GRIK3: variants seen among roughly 807,000 people sequenced by gnomAD.
GRIK3 encodes the protein glutamate ionotropic receptor kainate type subunit 3.
GRIK3 carries 29 observed loss-of-function variants against 102.5 expected under a neutral mutation model. The observed-to-expected ratio is 0.28, with a 90% CI of 0.21 to 0.39. The LOEUF is 0.39. Ranked by LOEUF, GRIK3 falls within the 10% of genes least tolerant of loss-of-function variation. The pLI, the probability that GRIK3 is intolerant of heterozygous loss-of-function variation, is 1.00. For synonymous variants in GRIK3, 511 were observed against 504.9 expected, an observed-to-expected ratio of 1.01 and a Z score of -0.16; for missense variants, 908 against 1,252.4, an observed-to-expected ratio of 0.73 and a Z score of 4.15.
intron 1 of GRIK3, among the ~76,000 whole-genome samples, chr1:37,033,503 C>G (rs1328259510): frequency 6.6e-6 from 1 of 152,166 alleles, no homozygotes; most frequent in East Asian, 1.9e-4. Flanking sequence ...CGGCTGCCCT[C>G]GTCATGCGAA....
At chr1:36,976,275 TTA>T (rs1230854567) in intron 1 of GRIK3, among the ~76,000 whole-genome samples, 4 of 152,174 alleles carry the variant, frequency 2.6e-5, no homozygotes, top group Non-Finnish European at 5.9e-5. Context: ...TGCCAGAGTT[TTA>T]AATCTCAGCT....
At chr1:36,950,929 G>T (rs554132843) in intron 1 of GRIK3, among the ~76,000 whole-genome samples, 2 of 152,326 alleles carry the variant, frequency 1.3e-5, no homozygotes, top group East Asian at 1.9e-4. Context: ...GGGCAGGAGG[G>T]TTTGGGGTGG....
chr1:36,805,189 T>C lies in GRIK3; in HGVS notation c.2363A>G (p.Glu788Gly). Reference sequence around the variant, plus strand: ...CTTCATGATATGCAGCTTGTCCTCCTCCTGAAGCTGCAGGATGGCGATGGT... The same window carrying C: ...CTTCATGATATGCAGCTTGTCCTCCCCCTGAAGCTGCAGGATGGCGATGGT... The part of the protein sequence containing the change: ...KITIAILQLQ[E>G]EDKLHIMKEK... Residue 788 changes from glutamate (E) to glycine (G), a missense_variant, in exon 15 of 16, where the codon GAG (glutamate) becomes GGG (glycine). By Grantham distance (98) the Glu-to-Gly change is moderately conservative. Transcript: ENST00000373091. 1 of 1,614,038 alleles carries C rather than the reference T, an allele frequency of 6.2e-7. No homozygotes were observed. Among genetic ancestry groups the C allele is most frequent in the Non-Finnish European group, 8.5e-7 (1 of 1,179,952 alleles).
intron 10 of GRIK3, among the ~76,000 whole-genome samples, chr1:36,833,722 C>T (rs917997922): frequency 6.6e-6 from 1 of 152,242 alleles, no homozygotes; most frequent in Admixed American, 6.5e-5. Context: ...ATCTTCCCGT[C>T]ACACCTGCCA....
At chr1:37,016,017 A>C (rs937080192) in intron 1 of GRIK3, among the ~76,000 whole-genome samples, 1 of 152,250 alleles carries the variant, frequency 6.6e-6, no homozygotes, top group African/African-American at 2.4e-5. Context: ...ACTCTGGGTA[A>C]TGCCACCCAA....
intron 2 of GRIK3, among the ~76,000 whole-genome samples, chr1:36,885,195 T>A (rs974012919): frequency 6.6e-6 from 1 of 152,188 alleles, no homozygotes; most frequent in African/African-American, 2.4e-5. Context: ...CTGACAATGA[T>A]AAATGTGTTG....
At chr1:36,952,253 C>T (rs59234460) in intron 1 of GRIK3, among the ~76,000 whole-genome samples, 2,516 of 152,322 alleles carry the variant, frequency 0.017, 50 homozygotes, top group South Asian at 0.059. Context: ...TCAGGGCCCA[C>T]GATGTCCGTT....
chr1:36,899,637 T>G (rs1172466029), intron 1 of GRIK3, among the ~76,000 whole-genome samples: 1 of 152,160 alleles, frequency 6.6e-6, no homozygotes, highest in African/African-American at 2.4e-5. Flanking sequence ...ATGAATGTAT[T>G]TAGTACCACT....
At chr1:36,847,880 T>C (rs950070941) in intron 9 of GRIK3, among the ~76,000 whole-genome samples, 1 of 152,196 alleles carries the variant, frequency 6.6e-6, no homozygotes, top group African/African-American at 2.4e-5. Flanking sequence ...TCTGCCCAGA[T>C]GCCTTGCAGC....
intron 1 of GRIK3, among the ~76,000 whole-genome samples, chr1:36,999,828 T>C (rs187441685): frequency 2.6e-5 from 4 of 152,246 alleles, no homozygotes; most frequent in Non-Finnish European, 5.9e-5. Context: ...TTTGTCCCCT[T>C]AGAACTTACC....
chr1:36,807,084 G>T (rs1008551579), intron 13 of GRIK3, among the ~76,000 whole-genome samples: 3 of 152,132 alleles, frequency 2.0e-5, no homozygotes, highest in Non-Finnish European at 2.9e-5. Flanking sequence ...GGCAGTCAGG[G>T]TAGGTGGTCT....
chr1:36,857,109 A>G (rs1363739027), intron 7 of GRIK3, among the ~76,000 whole-genome samples: 1 of 152,210 alleles, frequency 6.6e-6, no homozygotes, highest in Non-Finnish European at 1.5e-5. Context: ...AGAAAGCTTC[A>G]GTAGCTTGTC....
intron 10 of GRIK3, among the ~76,000 whole-genome samples, chr1:36,841,274 C>T (rs186979278): frequency 6.6e-6 from 1 of 152,326 alleles, no homozygotes; most frequent in Non-Finnish European, 1.5e-5. Context: ...CAGCTCTCAG[C>T]TTCCTGGACT....
At chr1:36,808,653 A>G (rs1051435366) in intron 13 of GRIK3, among the ~76,000 whole-genome samples, 3 of 152,216 alleles carry the variant, frequency 2.0e-5, no homozygotes, top group Non-Finnish European at 4.4e-5. Flanking sequence ...TGACTGTAGC[A>G]TTAGCCAACA....
intron 1 of GRIK3, among the ~76,000 whole-genome samples, chr1:36,983,913 C>G (rs1642276468): frequency 6.6e-6 from 1 of 152,194 alleles, no homozygotes; most frequent in Non-Finnish European, 1.5e-5. Flanking sequence ...TAGTCTCTGT[C>G]TGCCCCACTG....
In GRIK3 at chr1:36,850,013, T is replaced by G; in HGVS notation, c.1326+298A>C. Reference sequence around the variant, plus strand: ...GGGAGAGGCGAATCCTCACTCAGGTTGCAATGGGCTGTCAAACCCCCTTAA... The same window carrying G: ...GGGAGAGGCGAATCCTCACTCAGGTGGCAATGGGCTGTCAAACCCCCTTAA... On this transcript the variant is annotated intron_variant, in intron 9 of 15. Coordinates refer to ENST00000373091, the MANE Select transcript of GRIK3 (RefSeq NM_000831.4). This position sits in a 1 kb window ranked among gnomAD's most constrained non-coding sequence, Gnocchi z 4.0. The G allele has an allele frequency of 3.2e-6, 1 of 311,554 alleles. No individual in the cohort carries two copies. Among genetic ancestry groups the G allele is most frequent in the South Asian group, 4.8e-5 (1 of 20,998 alleles). The allele number at this position is 311,554 out of a possible 1,614,324, so 19.3% of individuals were successfully genotyped here.
At chr1:36,960,304 G>A (rs1199937270) in intron 1 of GRIK3, among the ~76,000 whole-genome samples, 12 of 147,520 alleles carry the variant, frequency 8.1e-5, no homozygotes, top group East Asian at 2.1e-4. Flanking sequence ...TGTGTACCCC[G>A]TGACTCTGTG....
At chr1:36,893,038 AT>A (rs1369673618) in intron 1 of GRIK3, among the ~76,000 whole-genome samples, 2 of 152,230 alleles carry the variant, frequency 1.3e-5, no homozygotes, top group East Asian at 3.8e-4. Context: ...TAAATTAAAG[AT>A]TAATGGCAAA....
chr1:36,962,448 C>T (rs1271038365), intron 1 of GRIK3, among the ~76,000 whole-genome samples: 2 of 151,896 alleles, frequency 1.3e-5, no homozygotes, highest in African/African-American at 4.8e-5. Context: ...CGCCGCTTTT[C>T]AAGAAAGAAT....
Sources: gnomAD v4.1 joint callset for allele counts (sites outside exome capture counted in the v4.1 genomes callset) on GRCh38, gnomAD v4.1.1 for gene constraint, Gnocchi (gnomAD v3.1) non-coding constraint, MANE v1.5 for transcripts, NCBI Gene and HGNC (gene_info 2026-07-23, HGNC 2026-07-21) for gene names.